The following OSBPL5 variants were observed in gnomAD, a reference collection of about 807,000 sequenced individuals.
OSBPL5 encodes oxysterol binding protein like 5.
Under a neutral mutation model 111.2 loss-of-function variants are expected in OSBPL5, and 71 were observed. The ratio of observed to expected loss-of-function variants is 0.64; its 90% CI spans 0.53 to 0.78. The LOEUF (loss-of-function observed/expected upper bound fraction) is 0.78. Among genes scored for constraint, OSBPL5 ranks in the 30% least tolerant of loss-of-function variants. OSBPL5 has a pLI of 0.00. For synonymous variants in OSBPL5, 549 were observed against 513.9 expected (o/e 1.07, Z -0.93); for missense variants, 1,210 against 1,189.3 (o/e 1.02, Z -0.26).
At chr11:3,137,978 A>G (rs1229790531) in intron 1 of OSBPL5, among the ~76,000 whole-genome samples, 1 of 152,160 alleles carries the variant, frequency 6.6e-6, no homozygotes, top group East Asian at 1.9e-4. Context: ...CTGGGGAGAC[A>G]TTTATCAGAG....
At chr11:3,096,633 A>G (rs1304212079) in intron 14 of OSBPL5, among the ~76,000 whole-genome samples, 3 of 149,550 alleles carry the variant, frequency 2.0e-5, no homozygotes, top group Admixed American at 6.7e-5. Flanking sequence ...AAAAAAAGAC[A>G]GAAAGAAAGA....
At chr11:3,128,550 C>T (rs2134474038) in intron 2 of OSBPL5, among the ~76,000 whole-genome samples, 1 of 152,322 alleles carries the variant, frequency 6.6e-6, no homozygotes, top group African/African-American at 2.4e-5. Context: ...GGCCTGGTTC[C>T]AGCTGTCCCC....
chr11:3,097,062 A>AG (rs1452640600), intron 14 of OSBPL5, among the ~76,000 whole-genome samples: 1 of 524 alleles, frequency 1.9e-3, no homozygotes, highest in African/African-American at 5.6e-3. Flanking sequence ...AGGAGAGGAA[A>AG]GGGGGAAGAT....
Position 3,122,045 on chromosome 11 carries a change from G to A in OSBPL5, c.354C>T (p.Leu118=), listed in dbSNP as rs369217179. Reference sequence around the variant, plus strand: ...CCACGCTGGGGTCTGTCAGAGCGCTGAGCAGCTGCCGTGTGGCGCGCTTCT... The same window carrying A: ...CCACGCTGGGGTCTGTCAGAGCGCTAAGCAGCTGCCGTGTGGCGCGCTTCT... The part of the protein sequence containing the change: ...QEKKRATRQL[L]SALTDPSVVI... Residue 118 remains leucine, a synonymous_variant, in exon 5 of 22, where the codon CTC becomes CTT. Transcript: ENST00000263650. 19 of 1,583,432 alleles carry A rather than the reference G, an allele frequency of 1.2e-5. No homozygotes were observed. Among genetic ancestry groups the A allele is most frequent in the Non-Finnish European group, 1.6e-5 (19 of 1,169,602 alleles).
chr11:3,089,813 G>A (rs368203650), intron 21 of OSBPL5, 33 bp downstream of exon 21: 755 of 1,539,764 alleles, frequency 4.9e-4, no homozygotes, highest in Non-Finnish European at 6.3e-4. Flanking sequence ...TCTCTGACCC[G>A]GAGTCTGGAT....
intron 1 of OSBPL5, among the ~76,000 whole-genome samples, chr11:3,151,798 C>G (rs1846595928): frequency 6.6e-6 from 1 of 152,268 alleles, no homozygotes; most frequent in South Asian, 2.1e-4. Flanking sequence ...GTGCTGGGAA[C>G]CTGGATGGGC....
chr11:3,136,791 G>A (rs1302308740), intron 1 of OSBPL5, among the ~76,000 whole-genome samples: 5 of 152,240 alleles, frequency 3.3e-5, no homozygotes, highest in Non-Finnish European at 1.5e-5. Context: ...CGCGCTGCAT[G>A]GGGGCAGAGA....
At position 3,111,718 on chromosome 11, in the gene OSBPL5, C is replaced by T. The variant is rs80286112; in HGVS notation, c.692-3773G>A. On this transcript the variant is annotated intron_variant, in intron 7 of 21. Coordinates refer to ENST00000263650, the MANE Select transcript of OSBPL5 (RefSeq NM_020896.4). The stretch of plus-strand genomic sequence containing the variant: ...TGGTGGCGTGATGGGGGGAGAAAAA[C>T]GGCCAGCAAAAGGAAAAAAAAAAGA... Among the ~76,000 whole-genome samples the T allele has an allele frequency of 4.8e-3, 705 of 148,412 alleles. 4 individuals carry two copies. The highest frequency in any genetic ancestry group is 0.016 in the African/African-American group (664 of 40,388).
rs1181901625 is a variant in OSBPL5, at chr11:3,113,274, C to G, written c.692-5329G>C. 2.6e-5 allele frequency among the ~76,000 whole-genome samples: 4 copies of G among 152,170 alleles called. No individual in the cohort carries two copies. The South Asian group carries it at 8.3e-4, about 32-fold the overall frequency. On this transcript the variant is annotated intron_variant, in intron 7 of 21. Transcript: ENST00000263650. This position sits in a 1 kb window ranked among gnomAD's most constrained non-coding sequence, Gnocchi z 4.8. Reference sequence around the variant, plus strand: ...TATATTTTTGTTTGCATTTATTAATCAAGCAATTTCATACTTATCCCTGCC... The same window carrying G: ...TATATTTTTGTTTGCATTTATTAATGAAGCAATTTCATACTTATCCCTGCC...
At chr11:3,133,039 G>A (rs1845855963) in intron 1 of OSBPL5, among the ~76,000 whole-genome samples, 1 of 152,346 alleles carries the variant, frequency 6.6e-6, no homozygotes, top group Non-Finnish European at 1.5e-5. Context: ...AGGTCTCCAG[G>A]ACAGGGCAGG....
In OSBPL5 at chr11:3,093,814, T is replaced by C; in HGVS notation, c.1741A>G (p.Ser581Gly). 1 of 1,612,746 alleles carries C rather than the reference T, an allele frequency of 6.2e-7. No individual in the cohort carries two copies. The highest frequency in any genetic ancestry group is 8.5e-7 in the Non-Finnish European group (1 of 1,179,944). ...KLKPFFGGST[S>G]INQISGKITS... Reference sequence around the variant, plus strand: ...ATCTTTCCCGAGATCTGGTTGATGCTGGTGCTACCCCCGAAGAAGGGCTGC... The same window carrying C: ...ATCTTTCCCGAGATCTGGTTGATGCCGGTGCTACCCCCGAAGAAGGGCTGC... The change falls in exon 16 of 22, where the codon AGC becomes GGC. Residue 581 changes from serine (S) to glycine (G), a missense_variant. Physicochemically the swap from Ser to Gly is moderately conservative, Grantham distance 56 (BLOSUM62 0). Coordinates refer to ENST00000263650, the MANE Select transcript of OSBPL5 (RefSeq NM_020896.4).
At chr11:3,091,899 G>C (rs1257972417) in intron 19 of OSBPL5, among the ~76,000 whole-genome samples, 1 of 152,156 alleles carries the variant, frequency 6.6e-6, no homozygotes, top group Non-Finnish European at 1.5e-5. Context: ...GTAGGTGCAC[G>C]GCTGGGGCGG....
intron 14 of OSBPL5, 76 bp downstream of exon 14, chr11:3,100,081 TA>T: frequency 8.9e-7 from 1 of 1,129,504 alleles, no homozygotes; most frequent in Non-Finnish European, 1.3e-6. Flanking sequence ...TTCAAGCAAA[TA>T]ACCAAAGGGT....
Position 3,110,752 on chromosome 11 carries a change from T to C in OSBPL5, c.692-2807A>G, listed in dbSNP as rs2134432729. On this transcript the variant is annotated intron_variant, in intron 7 of 21. Coordinates refer to ENST00000263650, the MANE Select transcript of OSBPL5 (RefSeq NM_020896.4). This position sits in a 1 kb window ranked among gnomAD's most constrained non-coding sequence, Gnocchi z 5.3. ...ACTCAAAAAAATGCAACCATCTTTC[T>C]CTTATCTACCTATGACCTGGAAGCC... is the stretch of plus-strand genomic sequence containing the variant. 6.6e-6 allele frequency among the ~76,000 whole-genome samples: 1 copy of C among 152,272 alleles called. No individual in the cohort carries two copies. The highest frequency in any genetic ancestry group is 2.1e-4 in the South Asian group (1 of 4,824).
At chr11:3,157,810 C>A (rs1447972304) in intron 1 of OSBPL5, among the ~76,000 whole-genome samples, 2 of 152,232 alleles carry the variant, frequency 1.3e-5, no homozygotes, top group Non-Finnish European at 2.9e-5. Context: ...TGGGCACCTG[C>A]CAGCAGGGAG....
At chr11:3,136,104 C>T (rs956211857) in intron 1 of OSBPL5, among the ~76,000 whole-genome samples, 1 of 152,238 alleles carries the variant, frequency 6.6e-6, no homozygotes, top group African/African-American at 2.4e-5. Flanking sequence ...CCCTGTGTCC[C>T]TGAGGATGCT....
rs139058174 is a variant in OSBPL5 at position 3,115,461 on chromosome 11, C to T, written c.691+4086G>A. Among the ~76,000 whole-genome samples the T allele has an allele frequency of 4.5e-4, 69 of 152,166 alleles. No homozygotes were observed. In the East Asian group the frequency reaches 0.011, roughly 24 times the overall value. On this transcript the variant is annotated intron_variant, in intron 7 of 21. Transcript: ENST00000263650. ...GCAATTAAAGCTTCATCTTCAGGCC[C>T]GGTAGAAGATGCCAATCAAAATAAA...
rs1005601799 is a variant in OSBPL5, at chr11:3,129,004, G to A, written c.136+9C>T. 9.1e-6 allele frequency: 14 copies of A among 1,542,842 alleles called. No individual in the cohort carries two copies. Among genetic ancestry groups the A allele is most frequent in the South Asian group, 3.6e-5 (3 of 82,988 alleles). On this transcript the variant is annotated intron_variant, in intron 2 of 21. Transcript: ENST00000263650. ...GGGCCAGGTTGCCCTGCCCACGGCC[G>A]GCACTTACCTGGGCTGAGTGGGTAG...
At chr11:3,150,186 A>C (rs1041453610) in intron 1 of OSBPL5, among the ~76,000 whole-genome samples, 4 of 152,088 alleles carry the variant, frequency 2.6e-5, no homozygotes, top group Admixed American at 1.3e-4. Flanking sequence ...CAGGCTAAGG[A>C]CTGCATGCCT....
Sources: allele counts gnomAD v4.1 joint callset (sites outside exome capture counted in the v4.1 genomes callset), GRCh38; gene constraint gnomAD v4.1.1; non-coding constraint Gnocchi (gnomAD v3.1); transcripts MANE v1.5; gene names NCBI Gene and HGNC (gene_info 2026-07-23, HGNC 2026-07-21).